Variants in XRN1 observed in about 807,000 individuals in gnomAD.
XRN1 encodes 5'-3' exoribonuclease 1, also known as strand-exchange protein 1 homolog.
XRN1 carries 67 observed loss-of-function variants against 222.3 expected under a neutral mutation model. The observed-to-expected ratio is 0.30, with a 90% CI of 0.25 to 0.37. The LOEUF is 0.37. Ranked by LOEUF, XRN1 falls within the 10% of genes least tolerant of loss-of-function variation. The pLI is 1.00. For synonymous variants in XRN1, 643 were observed against 652.4 expected, an observed-to-expected ratio of 0.99 and a Z score of 0.22; for missense variants, 1,707 against 2,000.2, an observed-to-expected ratio of 0.85 and a Z score of 2.80.
In XRN1 at chr3:142,447,837, G is replaced by C. The variant is rs770247930; in HGVS notation, c.75+33C>G. ...GAGGGCCGCGGAGCCCCGGGTCCTC[G>C]GCTTTCTGAGCCGTTGCCCCTCGCT... On this transcript the variant is annotated intron_variant, in intron 1 of 40. Coordinates refer to ENST00000392981, the MANE Select transcript of XRN1 (RefSeq NM_001282857.2). This position sits in a 1 kb window ranked among gnomAD's most constrained non-coding sequence, Gnocchi z 4.2. 5 of 1,611,660 alleles carry C rather than the reference G, an allele frequency of 3.1e-6. No individual in the cohort carries two copies. The highest frequency in any genetic ancestry group is 4.2e-6 in the Non-Finnish European group (5 of 1,179,330).
chr3:142,387,771 T>C (rs1251320127), intron 20 of XRN1, among the ~76,000 whole-genome samples: 1 of 152,178 alleles, frequency 6.6e-6, no homozygotes, highest in Non-Finnish European at 1.5e-5. Flanking sequence ...GGGTGGATCC[T>C]TCATAAATGG....
intron 33 of XRN1, among the ~76,000 whole-genome samples, chr3:142,340,795 A>T (rs2065972310): frequency 6.6e-6 from 1 of 152,330 alleles, no homozygotes; most frequent in East Asian, 1.9e-4. Context: ...GAAGGAAAAA[A>T]TTTTTTACCC....
chr3:142,312,753 T>A lies in XRN1; in HGVS notation c.4627A>T (p.Ile1543Leu). Reference protein sequence around the residue: ...PPAFPPPTANIMPSSSHLFGS... With the variant: ...PPAFPPPTANLMPSSSHLFGS... ...AAGAGATGAGACGACGAAGGCATTA[T>A]ATTAGCTGTTAAAAACCAAGGAAAA... The change falls in exon 40 of 41, where the codon ATA becomes TTA. Residue 1543 changes from isoleucine (I) to leucine (L), a missense_variant. Physicochemically the swap from Ile to Leu is conservative, Grantham distance 5. Around this residue, in one of 2 missense-constraint regions of XRN1, gnomAD observed 473 missense variants for 482.0 expected, o/e 0.98. Transcript: ENST00000392981. The A allele has an allele frequency of 6.2e-7, 1 of 1,600,694 alleles. No individual in the cohort carries two copies. The highest frequency in any genetic ancestry group is 8.5e-7 in the Non-Finnish European group (1 of 1,174,618).
At chr3:142,421,619 A>G in intron 8 of XRN1, 76 bp from the exon 9 acceptor site, 1 of 1,095,966 alleles carries the variant, frequency 9.1e-7, no homozygotes, top group Non-Finnish European at 1.3e-6. Context: ...CTCTTTCTAC[A>G]AAATGTTGAA....
At chr3:142,411,244 TG>T (rs1253875947) in intron 15 of XRN1, among the ~76,000 whole-genome samples, 1 of 152,166 alleles carries the variant, frequency 6.6e-6, no homozygotes, top group African/African-American at 2.4e-5. Flanking sequence ...TTAACTTTCT[TG>T]ATTAGTCTAG....
intron 33 of XRN1, among the ~76,000 whole-genome samples, chr3:142,340,752 G>A (rs1046432526): frequency 2.4e-4 from 36 of 152,062 alleles, no homozygotes; most frequent in Admixed American, 7.2e-4. Context: ...TCTTACAGGC[G>A]AGAAGACAGT....
intron 33 of XRN1, 118 bp from the exon 34 acceptor site, chr3:142,335,627 G>A: frequency 1.1e-6 from 1 of 880,560 alleles, no homozygotes; most frequent in East Asian, 2.6e-5. Flanking sequence ...TCAAGACACA[G>A]TCTCTGAACT....
rs2066874726 is a variant in XRN1, at chr3:142,368,089, C to T, written c.3204+2396G>A. ...TAAATGATATGGAGTTAATATATTA[C>T]ATGTTTATATATAAATATGTATTTA... On this transcript the variant is annotated intron_variant, in intron 27 of 40. Coordinates refer to ENST00000392981, the MANE Select transcript of XRN1 (RefSeq NM_001282857.2). Among the ~76,000 whole-genome samples the T allele has an allele frequency of 2.7e-5, 4 of 150,056 alleles. No individual in the cohort carries two copies. In the Admixed American group the frequency reaches 2.7e-4, roughly 10 times the overall value.
Position 142,447,069 on chromosome 3 carries a change from G to A in XRN1, c.75+801C>T, listed in dbSNP as rs375750972. ...CACCCAAAGTCTAGTTTACCTAATAGACGACTGCTTTCTCCTCTCTTTCCA... is the reference window on the plus strand; with the variant it reads ...CACCCAAAGTCTAGTTTACCTAATAAACGACTGCTTTCTCCTCTCTTTCCA... On this transcript the variant is annotated intron_variant, in intron 1 of 40. Coordinates refer to ENST00000392981, the MANE Select transcript of XRN1 (RefSeq NM_001282857.2). The surrounding 1 kb of genome is among the most constrained non-coding windows in gnomAD (Gnocchi z 4.2). Among the ~76,000 whole-genome samples the A allele has an allele frequency of 3.9e-5, 6 of 152,244 alleles. No individual in the cohort carries two copies. The highest frequency in any genetic ancestry group is 1.4e-4 in the African/African-American group (6 of 41,536).
chr3:142,416,414 C>G (rs1229901429), intron 13 of XRN1, among the ~76,000 whole-genome samples: 1 of 152,124 alleles, frequency 6.6e-6, no homozygotes, highest in Non-Finnish European at 1.5e-5. Flanking sequence ...AAACTCTTGA[C>G]CTCAAGTGAT....
At chr3:142,360,337 T>C (rs542770267) in intron 29 of XRN1, among the ~76,000 whole-genome samples, 10 of 152,278 alleles carry the variant, frequency 6.6e-5, no homozygotes, top group African/African-American at 2.2e-4. Context: ...ATTTGTGAGA[T>C]TCACCCACGT....
At chr3:142,328,660 T>A (rs1320481881) in intron 37 of XRN1, among the ~76,000 whole-genome samples, 2 of 136,872 alleles carry the variant, frequency 1.5e-5, no homozygotes, top group East Asian at 4.4e-4. Flanking sequence ...AAGTTATTTT[T>A]AATAAACAAT....
At chr3:142,444,057 T>C (rs1367856215) in intron 1 of XRN1, among the ~76,000 whole-genome samples, 1 of 152,052 alleles carries the variant, frequency 6.6e-6, no homozygotes, top group Non-Finnish European at 1.5e-5. Context: ...ACATAGAAAA[T>C]AGAAAGATGG....
intron 15 of XRN1, among the ~76,000 whole-genome samples, chr3:142,407,406 T>G (rs1244856053): frequency 6.6e-6 from 1 of 152,242 alleles, no homozygotes; most frequent in Non-Finnish European, 1.5e-5. Flanking sequence ...CTCGGCTCAC[T>G]GCAACCTCCA....
At chr3:142,313,107 C>A in intron 39 of XRN1, 1 of 1,592,490 alleles carries the variant, frequency 6.3e-7, no homozygotes, top group South Asian at 1.2e-5. Flanking sequence ...AAAGCTTGGG[C>A]ACAAATAGAG....
chr3:142,383,289 T>C lies in XRN1; in HGVS notation c.2616+11A>G, dbSNP rs773884284. On this transcript the variant is annotated intron_variant, in intron 22 of 40. Coordinates refer to ENST00000392981, the MANE Select transcript of XRN1 (RefSeq NM_001282857.2). ...GAGAAAAATGTATCAGTAACAATAA[T>C]GGAAACTAACTTCTCCAGTGCAGCC... The C allele has an allele frequency of 6.3e-7, 1 of 1,595,668 alleles. No individual in the cohort carries two copies. The highest frequency in any genetic ancestry group is 1.1e-5 in the South Asian group (1 of 88,778).
intron 18 of XRN1, among the ~76,000 whole-genome samples, chr3:142,400,802 C>A (rs2068100409): frequency 6.6e-6 from 1 of 152,108 alleles, no homozygotes; most frequent in Admixed American, 6.5e-5. Context: ...GCAGTAGTCC[C>A]AGCTACCCGG....
At position 142,383,118 on chromosome 3, in the gene XRN1, C is replaced by A. The variant is rs1012047353; in HGVS notation, c.2616+182G>T. Among the ~76,000 whole-genome samples, 70 of 152,150 alleles carry A rather than the reference C, an allele frequency of 4.6e-4. 3 individuals carry two copies. The highest frequency in any genetic ancestry group is 5.9e-5 in the Non-Finnish European group (4 of 68,034). ...CTGCTCAAGACTAAAAGTATATGGT[C>A]TTTAGTCTTAGATATATAGTATTTA... On this transcript the variant is annotated intron_variant, in intron 22 of 40. Transcript: ENST00000392981.
rs904134556 is a variant in XRN1, at chr3:142,421,670, G to A, written c.968-127C>T. 5.4e-6 allele frequency: 3 copies of A among 554,244 alleles called. No homozygotes were observed. The African/African-American group carries it at 5.9e-5, about 11-fold the overall frequency. 34.3% of individuals were successfully genotyped at this position (554,244 alleles called of 1,614,324 possible). On this transcript the variant is annotated intron_variant, in intron 8 of 40. Transcript: ENST00000392981. Reference sequence around the variant, plus strand: ...GTACTAATCAAGAAAAAACAGTGTTGGACTATATCCAAACTGGCCCTAGTT... The same window carrying A: ...GTACTAATCAAGAAAAAACAGTGTTAGACTATATCCAAACTGGCCCTAGTT...
Sources: gnomAD v4.1 joint callset for allele counts (sites outside exome capture counted in the v4.1 genomes callset) on GRCh38, gnomAD v4.1.1 for gene constraint, gnomAD v4.1.1 regional missense constraint, Gnocchi (gnomAD v3.1) non-coding constraint, MANE v1.5 for transcripts, NCBI Gene and HGNC (gene_info 2026-07-23, HGNC 2026-07-21) for gene names.